The following GUCY1A2 variants were observed in gnomAD, a reference collection of about 807,000 sequenced individuals.
GUCY1A2 encodes guanylate cyclase soluble subunit alpha-2.
Under a neutral mutation model 63.5 loss-of-function variants are expected in GUCY1A2, and 27 were observed. The ratio of observed to expected loss-of-function variants is 0.43; its 90% CI spans 0.31 to 0.59. The LOEUF is 0.59. GUCY1A2 is among the 20% of genes least tolerant of loss of function. The pLI is 0.11. For missense variants in GUCY1A2, 768 were observed against 913.3 expected, an observed-to-expected ratio of 0.84 and a Z score of 2.05; for synonymous variants, 364 against 343.5, an observed-to-expected ratio of 1.06 and a Z score of -0.66.
intron 4 of GUCY1A2, among the ~76,000 whole-genome samples, chr11:106,938,537 T>C (rs1227497702): frequency 6.6e-6 from 1 of 152,128 alleles, no homozygotes; most frequent in Non-Finnish European, 1.5e-5. Context: ...AGAACTTTAT[T>C]TACCCTAGTA....
chr11:106,969,275 A>G (rs1451766561), intron 3 of GUCY1A2, among the ~76,000 whole-genome samples: 2 of 152,180 alleles, frequency 1.3e-5, no homozygotes, highest in African/African-American at 4.8e-5. Flanking sequence ...TAGTAAGAAC[A>G]ACAACTCATC....
chr11:106,806,762 C>A (rs1260011613), intron 5 of GUCY1A2, among the ~76,000 whole-genome samples: 1 of 152,180 alleles, frequency 6.6e-6, no homozygotes, highest in Non-Finnish European at 1.5e-5. Flanking sequence ...GAAAGGCTTT[C>A]ATTTTCTCAG....
chr11:106,687,771 C>G lies in GUCY1A2; in HGVS notation c.1992-15G>C, dbSNP rs767741044. ...GTTTTAATAATCTAAGAAGAAAATA[C>G]AGAGCACATGAATCAAGTAGGCCAG... On this transcript the variant is annotated splice_polypyrimidine_tract_variant and intron_variant, in intron 7 of 7. Coordinates refer to ENST00000526355, the MANE Select transcript of GUCY1A2 (RefSeq NM_000855.3). 1 of 1,548,086 alleles carries G rather than the reference C, an allele frequency of 6.5e-7. No homozygotes were observed. The highest frequency in any genetic ancestry group is 1.4e-5 in the African/African-American group (1 of 73,552).
intron 4 of GUCY1A2, among the ~76,000 whole-genome samples, chr11:106,836,654 G>A (rs771281600): frequency 6.6e-6 from 1 of 151,862 alleles, no homozygotes; most frequent in Non-Finnish European, 1.5e-5. Context: ...ACCAAGAGAG[G>A]TAACTTTTTA....
chr11:106,949,061 GA>G (rs1430099126), intron 3 of GUCY1A2, among the ~76,000 whole-genome samples: 2 of 152,106 alleles, frequency 1.3e-5, no homozygotes, highest in Admixed American at 1.3e-4. Flanking sequence ...TTTAGAATAT[GA>G]TTTTTTTATT....
At chr11:106,995,185 T>C (rs1172551458) in intron 1 of GUCY1A2, among the ~76,000 whole-genome samples, 2 of 152,160 alleles carry the variant, frequency 1.3e-5, no homozygotes, top group African/African-American at 4.8e-5. Context: ...GCTTTCTGGG[T>C]TATTCACTGT....
chr11:106,851,536 A>G (rs964746688), intron 4 of GUCY1A2, among the ~76,000 whole-genome samples: 2 of 151,936 alleles, frequency 1.3e-5, no homozygotes, highest in Non-Finnish European at 2.9e-5. Flanking sequence ...CTATGGTGAG[A>G]GAGAGGAGTC....
Position 106,816,154 on chromosome 11 carries a change from AAT to A in GUCY1A2, c.1207-5678_1207-5677del, listed in dbSNP as rs1331848244. 4.9e-5 allele frequency among the ~76,000 whole-genome samples: 7 copies of A among 142,620 alleles called. 1 individual carries two copies. In the Admixed American group the frequency reaches 5.0e-4, roughly 10 times the overall value. The allele number at this position is 142,620 out of a possible 152,430, so 93.6% of individuals were successfully genotyped here. On this transcript the variant is annotated intron_variant, in intron 4 of 7. Transcript: ENST00000526355. ...TAATTTGACAATCCAACAACAGCAG[AAT>A]ACTCTTTCTTTAAAAAAAAAAAAAA...
At chr11:106,691,948 G>A (rs183922037) in intron 7 of GUCY1A2, among the ~76,000 whole-genome samples, 1 of 152,254 alleles carries the variant, frequency 6.6e-6, no homozygotes, top group Admixed American at 6.5e-5. Context: ...ACTTACTGGG[G>A]GGTTTGTGGA....
At chr11:106,840,339 G>A (rs1035233869) in intron 4 of GUCY1A2, among the ~76,000 whole-genome samples, 1 of 151,912 alleles carries the variant, frequency 6.6e-6, no homozygotes, top group Non-Finnish European at 1.5e-5. Context: ...AATTCTGACA[G>A]TGATCTTATG....
At chr11:106,749,522 A>G (rs1028696868) in intron 6 of GUCY1A2, among the ~76,000 whole-genome samples, 1 of 151,986 alleles carries the variant, frequency 6.6e-6, no homozygotes, top group African/African-American at 2.4e-5. Flanking sequence ...TTCTATACTG[A>G]TCACCTTTTG....
intron 1 of GUCY1A2, among the ~76,000 whole-genome samples, chr11:107,009,792 G>A (rs372400278): frequency 1.3e-5 from 2 of 152,174 alleles, no homozygotes; most frequent in Non-Finnish European, 2.9e-5. Flanking sequence ...CAAAGGAAGC[G>A]ACTTTCAGGA....
At chr11:106,847,246 A>G (rs1859287233) in intron 4 of GUCY1A2, among the ~76,000 whole-genome samples, 1 of 137,786 alleles carries the variant, frequency 7.3e-6, no homozygotes. Context: ...AAAAAAATAT[A>G]TATATATATA....
At chr11:106,809,964 T>C (rs1461644973) in intron 5 of GUCY1A2, 29 bp downstream of exon 5, 2 of 1,425,070 alleles carry the variant, frequency 1.4e-6, no homozygotes, top group African/African-American at 1.4e-5. Context: ...TTAAAAAACA[T>C]TTATATGTAA....
chr11:106,988,602 A>G (rs1332414491), intron 1 of GUCY1A2, among the ~76,000 whole-genome samples: 2 of 152,244 alleles, frequency 1.3e-5, no homozygotes, highest in African/African-American at 2.4e-5. Context: ...AGTTAAATTT[A>G]TAGTTTCCAC....
intron 4 of GUCY1A2, among the ~76,000 whole-genome samples, chr11:106,888,831 T>C (rs1272397874): frequency 2.0e-5 from 3 of 152,154 alleles, no homozygotes; most frequent in Non-Finnish European, 2.9e-5. Context: ...ATCCTCCTAC[T>C]TTGGCCCATT....
intron 4 of GUCY1A2, among the ~76,000 whole-genome samples, chr11:106,867,019 T>C (rs891179758): frequency 3.3e-5 from 5 of 152,066 alleles, no homozygotes; most frequent in African/African-American, 1.2e-4. Flanking sequence ...TTCTTTAGAA[T>C]ACTATCTATG....
Position 106,685,538 on chromosome 11 carries a change from C to CTTTAAT in GUCY1A2, c.*2010_*2011insATTAAA, listed in dbSNP as rs1862511607. On this transcript the variant is annotated 3_prime_UTR_variant, in exon 8 of 8. Transcript: ENST00000526355. ...CCAACATTTTATTGATTTAATATAC[C>CTTTAAT]ATAATAAGTTCTAAGTTACTGAAGA... The CTTTAAT allele has an allele frequency of 4.4e-6, 1 of 226,308 alleles. No homozygotes were observed. Among genetic ancestry groups the CTTTAAT allele is most frequent in the Admixed American group, 5.7e-5 (1 of 17,498 alleles). 14.0% of individuals were successfully genotyped at this position (226,308 alleles called of 1,614,324 possible). A position where few individuals can be genotyped will look rare whatever the true frequency, so the allele number is the denominator to read the frequency against.
At chr11:106,918,402 T>C (rs1860396943) in intron 4 of GUCY1A2, among the ~76,000 whole-genome samples, 1 of 145,654 alleles carries the variant, frequency 6.9e-6, no homozygotes, top group African/African-American at 2.4e-5. Context: ...CAACACACCA[T>C]TTTTTAAAAA....
Sources: allele counts gnomAD v4.1 joint callset (sites outside exome capture counted in the v4.1 genomes callset), GRCh38; gene constraint gnomAD v4.1.1; transcripts MANE v1.5; gene names NCBI Gene and HGNC (gene_info 2026-07-23, HGNC 2026-07-21).